The following APMAP variants were observed in gnomAD, a reference collection of about 807,000 sequenced individuals.
APMAP encodes adipocyte plasma membrane-associated protein.
APMAP carries 33 observed loss-of-function variants against 43.6 expected under a neutral mutation model. That is an observed-to-expected ratio of 0.76 (90% CI 0.57 to 1.01). APMAP has a LOEUF of 1.01. Ranked by LOEUF, APMAP falls within the 50% of genes least tolerant of loss-of-function variation. APMAP has a pLI of 0.00. For missense variants in APMAP, 498 were observed against 540.7 expected (o/e 0.92, Z 0.78); for synonymous variants, 224 against 216.7 (o/e 1.03, Z -0.30).
intron 8 of APMAP, among the ~76,000 whole-genome samples, chr20:24,964,954 AT>A (rs1195777554): frequency 6.6e-6 from 1 of 152,122 alleles, no homozygotes; most frequent in Non-Finnish European, 1.5e-5. Context: ...AGGAAATGCC[AT>A]CTCCTGCTGT....
chr20:24,974,858 G>A (rs977053023), intron 3 of APMAP, among the ~76,000 whole-genome samples: 18 of 152,148 alleles, frequency 1.2e-4, no homozygotes, highest in African/African-American at 4.3e-4. Context: ...AAAAACTGAT[G>A]AAACTGCAAG....
chr20:24,970,983 C>G (rs2087994209), intron 5 of APMAP, among the ~76,000 whole-genome samples: 1 of 152,174 alleles, frequency 6.6e-6, no homozygotes, highest in Non-Finnish European at 1.5e-5. Flanking sequence ...TCCTCCCCAG[C>G]AGGAACCTCC....
At chr20:24,964,157 C>T (rs2087923025) in intron 8 of APMAP, 135 bp from the exon 9 acceptor site, 3 of 941,524 alleles carry the variant, frequency 3.2e-6, no homozygotes, top group South Asian at 1.5e-5. Context: ...GGGCAGTGCC[C>T]CACAGGACAG....
chr20:24,964,377 G>C (rs2087926146), intron 8 of APMAP: 1 of 508,906 alleles, frequency 2.0e-6, no homozygotes, highest in Non-Finnish European at 4.0e-6. Context: ...CCACTCACCA[G>C]ATCACAACCA....
At chr20:24,986,114 C>T (rs1418642300) in intron 1 of APMAP, among the ~76,000 whole-genome samples, 9 of 152,226 alleles carry the variant, frequency 5.9e-5, no homozygotes, top group African/African-American at 2.2e-4. Context: ...CAGGACAGGC[C>T]CGAGGGCAGT....
chr20:24,971,582 AAAAC>A lies in APMAP; in HGVS notation c.422-10_422-7del, dbSNP rs1301575069. ...AGGCTCATCATCTCGGGTTTCTAGA[AAAAC>A]AAACAGATGGGGATTGGTAGCTGGT... is the stretch of plus-strand genomic sequence containing the variant. On this transcript the variant is annotated splice_polypyrimidine_tract_variant and splice_region_variant and intron_variant, in intron 4 of 8. Coordinates refer to ENST00000217456, the MANE Select transcript of APMAP (RefSeq NM_020531.3). 1.2e-5 allele frequency: 19 copies of A among 1,611,480 alleles called. No individual in the cohort carries two copies. Among genetic ancestry groups the A allele is most frequent in the Non-Finnish European group, 1.6e-5 (19 of 1,177,732 alleles).
rs143808083 is a variant in APMAP, at chr20:24,991,703, A to G, written c.95+891T>C. Among the ~76,000 whole-genome samples the G allele has an allele frequency of 7.2e-5, 11 of 152,288 alleles. No individual in the cohort carries two copies. The East Asian group carries it at 1.7e-3, about 24-fold the overall frequency. On this transcript the variant is annotated intron_variant, in intron 1 of 8. Transcript: ENST00000217456. ...CAAATATAAGTCAATCAGTCCCACA[A>G]CTTCAAGCTTGGTCTATGGGGCCTC...
intron 8 of APMAP, among the ~76,000 whole-genome samples, chr20:24,967,067 G>C (rs1233205301): frequency 6.6e-6 from 1 of 152,208 alleles, no homozygotes; most frequent in Admixed American, 6.5e-5. Flanking sequence ...GCTGAGACGG[G>C]TGGATTACTT....
chr20:24,965,174 C>T (rs1430594402), intron 8 of APMAP, among the ~76,000 whole-genome samples: 2 of 152,222 alleles, frequency 1.3e-5, no homozygotes, highest in South Asian at 2.1e-4. Flanking sequence ...GCTCTGGAGA[C>T]AGGGCCAGGA....
Position 24,984,017 on chromosome 20 carries a change from G to A in APMAP, c.98C>T (p.Ser33Phe), listed in dbSNP as rs1013251509. The A allele has an allele frequency of 1.9e-6, 3 of 1,609,458 alleles. No individual in the cohort carries two copies. The highest frequency in any genetic ancestry group is 3.3e-5 in the Admixed American group (2 of 59,956). ...GQAPEAKDGS[S>F]FSGRVFRVTF... Reference sequence around the variant, plus strand: ...CACTCGGAAAACTCTGCCGCTAAAGGAGCTGCCAGAAATAAAAGATACAAA... The same window carrying A: ...CACTCGGAAAACTCTGCCGCTAAAGAAGCTGCCAGAAATAAAAGATACAAA... The change falls in exon 2 of 9, where the codon TCC becomes TTC. Residue 33 changes from serine to phenylalanine, a missense_variant and splice_region_variant. By Grantham distance (155) the Ser-to-Phe change is radical. Transcript: ENST00000217456.
chr20:24,980,594 C>T (rs2088094893), intron 2 of APMAP, among the ~76,000 whole-genome samples: 1 of 151,352 alleles, frequency 6.6e-6, no homozygotes, highest in Non-Finnish European at 1.5e-5. Flanking sequence ...GCCTCGGTCA[C>T]CTCTACGCGC....
At chr20:24,982,664 C>T (rs941807679) in intron 2 of APMAP, among the ~76,000 whole-genome samples, 2 of 152,220 alleles carry the variant, frequency 1.3e-5, no homozygotes, top group Non-Finnish European at 2.9e-5. Context: ...GCCAGCCCCC[C>T]AACCCAAGCT....
At chr20:24,984,794 C>A (rs773172121) in intron 1 of APMAP, among the ~76,000 whole-genome samples, 4 of 152,214 alleles carry the variant, frequency 2.6e-5, no homozygotes, top group Admixed American at 6.5e-5. Context: ...TATCTCTCAT[C>A]TGGCAAACAA....
chr20:24,970,378 TTTAAAAAGA>T lies in APMAP; in HGVS notation c.539-16_539-8del. 6.3e-7 allele frequency: 1 copy of T among 1,598,456 alleles called. No individual in the cohort carries two copies. The highest frequency in any genetic ancestry group is 8.5e-7 in the Non-Finnish European group (1 of 1,171,270). ...AGCAGCAGTTTCACTTCACCTGAAGTTTAAAAAGAAAGAAAAAGATTGACTTGAACTAGG... is the reference window on the plus strand; with the variant it reads ...AGCAGCAGTTTCACTTCACCTGAAGTAAGAAAAAGATTGACTTGAACTAGG... On this transcript the variant is annotated splice_polypyrimidine_tract_variant and splice_region_variant and intron_variant, in intron 5 of 8. Transcript: ENST00000217456.
At chr20:24,969,854 A>G (rs1256663406) in intron 6 of APMAP, among the ~76,000 whole-genome samples, 194 bp from the exon 7 acceptor site, 1 of 152,220 alleles carries the variant, frequency 6.6e-6, no homozygotes, top group Non-Finnish European at 1.5e-5. Flanking sequence ...TGTCCCCTCC[A>G]GGGAACCCCA....
intron 2 of APMAP, among the ~76,000 whole-genome samples, chr20:24,979,347 G>A (rs1568815690): frequency 6.6e-6 from 1 of 152,176 alleles, no homozygotes; most frequent in Non-Finnish European, 1.5e-5. Flanking sequence ...TCCTGGGACT[G>A]GAGCCACCGT....
intron 1 of APMAP, among the ~76,000 whole-genome samples, chr20:24,986,521 T>C (rs1025239907): frequency 2.6e-5 from 4 of 152,132 alleles, no homozygotes; most frequent in African/African-American, 7.2e-5. Context: ...ATACCAGTCA[T>C]GGGTATAAGC....
intron 5 of APMAP, among the ~76,000 whole-genome samples, chr20:24,970,781 G>A (rs886241764): frequency 1.3e-5 from 2 of 152,190 alleles, no homozygotes; most frequent in African/African-American, 4.8e-5. Flanking sequence ...AAGCACTCTC[G>A]AGGTGTGATC....
intron 4 of APMAP, among the ~76,000 whole-genome samples, chr20:24,972,055 T>G: frequency 7.1e-6 from 1 of 141,540 alleles, no homozygotes; most frequent in East Asian, 2.3e-4. Flanking sequence ...TCACTGCAGG[T>G]GCTTATTGTA....
Sources: gnomAD v4.1 joint callset for allele counts (sites outside exome capture counted in the v4.1 genomes callset) on GRCh38, gnomAD v4.1.1 for gene constraint, MANE v1.5 for transcripts, NCBI Gene and HGNC (gene_info 2026-07-23, HGNC 2026-07-21) for gene names.